The following TXLNB variants were observed in gnomAD, a reference collection of about 807,000 sequenced individuals.
TXLNB encodes the protein beta-taxilin.
In TXLNB, 37 loss-of-function variants were observed where a neutral mutation model predicts 57.4. The ratio of observed to expected loss-of-function variants is 0.64; its 90% CI spans 0.50 to 0.85. The LOEUF is 0.85. TXLNB is among the 40% of genes least tolerant of loss of function. The pLI, the probability that TXLNB is intolerant of heterozygous loss-of-function variation, is 0.00. For missense variants in TXLNB, 848 were observed against 825.6 expected (o/e 1.03, Z -0.33); for synonymous variants, 302 against 309.6 (o/e 0.98, Z 0.26).
chr6:139,287,029 C>T (rs56861103), intron 2 of TXLNB: 22,261 of 153,052 alleles, frequency 0.15, 1,883 homozygotes, highest in African/African-American at 0.23. Flanking sequence ...AAACTGTCTT[C>T]CCTGGTGCCA....
intron 3 of TXLNB, chr6:139,271,955 A>G (rs1235597168): frequency 6.6e-6 from 1 of 152,242 alleles, no homozygotes; most frequent in Non-Finnish European, 1.5e-5. Context: ...ACAGAGCCTA[A>G]TGCAAATGGA....
At chr6:139,304,439 T>C in the TXLNB span, among the ~76,000 whole-genome samples, 1 of 152,114 alleles carries the variant, frequency 6.6e-6, no homozygotes, top group African/African-American at 2.4e-5. Context: ...TCTTTAGAGA[T>C]AAATGGAAAA....
At chr6:139,274,510 C>A (rs533176222) in intron 3 of TXLNB, among the ~76,000 whole-genome samples, 2 of 152,038 alleles carry the variant, frequency 1.3e-5, no homozygotes. Context: ...AAGTTTTTTA[C>A]GAGAGATGAT....
At chr6:139,270,679 G>A in intron 3 of TXLNB, 53 bp from the exon 4 acceptor site, 3 of 1,541,708 alleles carry the variant, frequency 1.9e-6, no homozygotes, top group South Asian at 1.2e-5. Context: ...TCTCCTTGGA[G>A]TGGATAGAAA....
At chr6:139,264,129 T>C (rs938248462) in intron 4 of TXLNB, among the ~76,000 whole-genome samples, 1 of 152,250 alleles carries the variant, frequency 6.6e-6, no homozygotes, top group Non-Finnish European at 1.5e-5. Flanking sequence ...GTATTGAAGA[T>C]ATCTGTACTT....
At chr6:139,168,922 A>G in the TXLNB span, among the ~76,000 whole-genome samples, 29 of 152,106 alleles carry the variant, frequency 1.9e-4, no homozygotes, top group Non-Finnish European at 3.1e-4. Context: ...CAATGTCACT[A>G]TTTTGAGAGG....
chr6:139,234,063 GC>G, the TXLNB span: 1 of 152,198 alleles, frequency 6.6e-6, no homozygotes, highest in Non-Finnish European at 1.5e-5. Context: ...AAAGAGACTG[GC>G]AGCATTTTGC....
chr6:139,175,123 C>T, the TXLNB span, among the ~76,000 whole-genome samples: 1 of 152,044 alleles, frequency 6.6e-6, no homozygotes, highest in Non-Finnish European at 1.5e-5. Context: ...ATGAGGACAT[C>T]TGAAATTTAG....
chr6:139,182,043 A>G, the TXLNB span, among the ~76,000 whole-genome samples: 20 of 152,348 alleles, frequency 1.3e-4, no homozygotes, highest in African/African-American at 4.8e-4. Context: ...ATAAGCAAAG[A>G]AGTCTAATTG....
the TXLNB span, among the ~76,000 whole-genome samples, chr6:139,227,269 G>T: frequency 6.6e-6 from 1 of 151,938 alleles, no homozygotes; most frequent in East Asian, 1.9e-4. Flanking sequence ...AACCCGAGAG[G>T]TGGAGGTTGA....
chr6:139,213,264 T>G, the TXLNB span, among the ~76,000 whole-genome samples: 1 of 152,094 alleles, frequency 6.6e-6, no homozygotes. Flanking sequence ...GAACAGAAAT[T>G]ATAACAAACG....
At chr6:139,280,234 G>A (rs1329567466) in intron 2 of TXLNB, among the ~76,000 whole-genome samples, 1 of 118,652 alleles carries the variant, frequency 8.4e-6, no homozygotes, top group Admixed American at 1.2e-4. Context: ...CCTGGCAACA[G>A]AGCAAGACTC....
the TXLNB span, among the ~76,000 whole-genome samples, chr6:139,233,541 G>A: frequency 6.6e-6 from 1 of 151,854 alleles, no homozygotes; most frequent in Non-Finnish European, 1.5e-5. Flanking sequence ...GACTTGGTGA[G>A]TCTCATGAGA....
At chr6:139,275,378 T>C (rs566020075) in intron 3 of TXLNB, among the ~76,000 whole-genome samples, 2 of 152,338 alleles carry the variant, frequency 1.3e-5, no homozygotes, top group South Asian at 4.1e-4. Context: ...TATCAACTTA[T>C]ATGTACCTTA....
the TXLNB span, among the ~76,000 whole-genome samples, chr6:139,189,413 G>C: frequency 6.6e-6 from 1 of 152,188 alleles, no homozygotes; most frequent in South Asian, 2.1e-4. Flanking sequence ...AGTCAAATTA[G>C]TGTTTTTTAT....
chr6:139,283,298 C>T (rs1777097045), intron 2 of TXLNB: 1 of 142,090 alleles, frequency 7.0e-6, no homozygotes, highest in South Asian at 2.4e-4. Context: ...AAGCCTTGGC[C>T]AGGCGTGGTG....
At chr6:139,298,059 G>T in the TXLNB span, among the ~76,000 whole-genome samples, 2 of 152,254 alleles carry the variant, frequency 1.3e-5, no homozygotes, top group Admixed American at 1.3e-4. Flanking sequence ...CAATTCCCAT[G>T]GTGACAACTC....
the TXLNB span, among the ~76,000 whole-genome samples, chr6:139,187,651 C>A: frequency 6.6e-6 from 1 of 152,178 alleles, no homozygotes; most frequent in East Asian, 1.9e-4. Flanking sequence ...GTACAGAACT[C>A]TGCTGGGGGA....
chr6:139,168,059 A>G, the TXLNB span, among the ~76,000 whole-genome samples: 1 of 152,224 alleles, frequency 6.6e-6, no homozygotes, highest in African/African-American at 2.4e-5. Flanking sequence ...TGAAAATGAT[A>G]TATCCCCACC....
Sources: allele counts gnomAD v4.1 joint callset (sites outside exome capture counted in the v4.1 genomes callset), GRCh38; gene constraint gnomAD v4.1.1; transcripts MANE v1.5; gene names NCBI Gene and HGNC (gene_info 2026-07-23, HGNC 2026-07-21).